The following BCAS3 variants were observed in gnomAD, a reference collection of about 807,000 sequenced individuals.
BCAS3 encodes BCAS4/BCAS3 fusion.
In BCAS3, 53 loss-of-function variants were observed where a neutral mutation model predicts 116.1. The observed-to-expected ratio is 0.46, with a 90% CI of 0.37 to 0.57. The LOEUF is 0.57. Among genes scored for constraint, BCAS3 ranks in the 20% least tolerant of loss-of-function variants. The probability of loss-of-function intolerance (pLI) is 0.00; values close to 1 mark genes in which losing one functional copy is unlikely to be tolerated. For missense variants in BCAS3, 917 were observed against 1,165.4 expected, an observed-to-expected ratio of 0.79 and a Z score of 3.10; for synonymous variants, 391 against 408.2, an observed-to-expected ratio of 0.96 and a Z score of 0.51.
At position 61,323,137 on chromosome 17, in the gene BCAS3, C is replaced by G. The variant is rs1054236635; in HGVS notation, c.2426-45190C>G. 1.3e-5 allele frequency among the ~76,000 whole-genome samples: 2 copies of G among 152,024 alleles called. No individual in the cohort carries two copies. Among genetic ancestry groups the G allele is most frequent in the African/African-American group, 4.8e-5 (2 of 41,388 alleles). On this transcript the variant is annotated intron_variant, in intron 22 of 23. Coordinates refer to ENST00000407086, the MANE Select transcript of BCAS3 (RefSeq NM_017679.5). The surrounding 1 kb of genome is among the most constrained non-coding windows in gnomAD (Gnocchi z 4.6). The stretch of plus-strand genomic sequence containing the variant: ...TGGATTTAGCATCACACGGGGAATT[C>G]GCTGTAACCCAGCCATCTTTTAGGC...
At chr17:60,868,779 T>C in intron 8 of BCAS3, 96 bp downstream of exon 8, 1 of 645,202 alleles carries the variant, frequency 1.5e-6, no homozygotes, top group Non-Finnish European at 2.5e-6. Context: ...CTTAGATTTA[T>C]TTTTAAAAAT....
intron 11 of BCAS3, among the ~76,000 whole-genome samples, chr17:60,905,948 G>C (rs901524332): frequency 5.9e-5 from 9 of 152,176 alleles, no homozygotes; most frequent in African/African-American, 1.9e-4. Context: ...GTCTCTACCT[G>C]GCTGGTGCCA....
intron 16 of BCAS3, among the ~76,000 whole-genome samples, chr17:61,018,461 C>A (rs997781292): frequency 6.6e-6 from 1 of 151,684 alleles, no homozygotes. Flanking sequence ...GCCACCACAC[C>A]CAGCTAATTT....
intron 7 of BCAS3, among the ~76,000 whole-genome samples, chr17:60,815,266 G>A (rs1202450147): frequency 1.3e-5 from 2 of 152,106 alleles, no homozygotes; most frequent in Non-Finnish European, 2.9e-5. Flanking sequence ...GACACAGGAA[G>A]GGGAACATCA....
chr17:60,743,255 A>AT (rs1159831718), intron 5 of BCAS3, among the ~76,000 whole-genome samples: 1 of 152,148 alleles, frequency 6.6e-6, no homozygotes, highest in African/African-American at 2.4e-5. Context: ...CCAAGGGTAC[A>AT]TATTGTGGGA....
intron 6 of BCAS3, among the ~76,000 whole-genome samples, chr17:60,797,778 G>A (rs1351303512): frequency 2.6e-5 from 4 of 152,084 alleles, no homozygotes; most frequent in East Asian, 1.9e-4. Context: ...GTGAGAACAC[G>A]TGGTGTTTTA....
intron 6 of BCAS3, among the ~76,000 whole-genome samples, chr17:60,784,558 CT>C (rs1353716822): frequency 6.6e-6 from 1 of 151,580 alleles, no homozygotes; most frequent in East Asian, 2.0e-4. Flanking sequence ...TCACCTCAGC[CT>C]CCCAAAGTGC....
In BCAS3 at chr17:61,156,832, C is replaced by T. The variant is rs746275561; in HGVS notation, c.2425+72268C>T. ...TGCCCTGAAGCTGGTACATACAGAC[C>T]ACCTCAACGATGGACTCCTTTATGA... On this transcript the variant is annotated intron_variant, in intron 22 of 23. Transcript: ENST00000407086. This position sits in a 1 kb window ranked among gnomAD's most constrained non-coding sequence, Gnocchi z 4.7. Among the ~76,000 whole-genome samples the T allele has an allele frequency of 3.3e-5, 5 of 152,010 alleles. No homozygotes were observed. Among genetic ancestry groups the T allele is most frequent in the Admixed American group, 2.6e-4 (4 of 15,260 alleles).
chr17:60,833,242 C>T (rs182546952), intron 7 of BCAS3, among the ~76,000 whole-genome samples: 1 of 152,318 alleles, frequency 6.6e-6, no homozygotes, highest in African/African-American at 2.4e-5. Flanking sequence ...GTGTCTCCAG[C>T]TCCAGCCCTT....
rs980447446 is a variant in BCAS3, at chr17:61,248,389, A to G, written c.2426-119938A>G. On this transcript the variant is annotated intron_variant, in intron 22 of 23. Transcript: ENST00000407086. The surrounding 1 kb of genome is among the most constrained non-coding windows in gnomAD (Gnocchi z 4.3). ...TTAAAAAATTCCAAAAAGAAAATCT[A>G]AAGGACCATTCCTATGATTATTGCA... is the stretch of plus-strand genomic sequence containing the variant. Among the ~76,000 whole-genome samples the G allele has an allele frequency of 3.3e-5, 5 of 152,220 alleles. No individual in the cohort carries two copies. The highest frequency in any genetic ancestry group is 1.2e-4 in the African/African-American group (5 of 41,450).
At chr17:60,783,855 C>G (rs2046041467) in intron 6 of BCAS3, among the ~76,000 whole-genome samples, 2 of 152,084 alleles carry the variant, frequency 1.3e-5, no homozygotes, top group African/African-American at 2.4e-5. Flanking sequence ...ATTTGAGACT[C>G]TTTTTGTTTG....
At chr17:61,061,252 T>C (rs2069998510) in intron 19 of BCAS3, among the ~76,000 whole-genome samples, 1 of 152,210 alleles carries the variant, frequency 6.6e-6, no homozygotes, top group Non-Finnish European at 1.5e-5. Context: ...TGTATGTAAT[T>C]CTTCCTGCTG....
At chr17:60,976,020 C>CTTTTTTTTTTGTTTTTTT (rs2062329086) in intron 14 of BCAS3, among the ~76,000 whole-genome samples, 20 of 98,284 alleles carry the variant, frequency 2.0e-4, no homozygotes, top group South Asian at 3.7e-4. Flanking sequence ...TAGATTTTTG[C>CTTTTTTTTTTGTTTTTTT]TTTTTTTTTT....
chr17:61,272,040 C>T (rs1195442610), intron 22 of BCAS3, among the ~76,000 whole-genome samples: 1 of 152,050 alleles, frequency 6.6e-6, no homozygotes, highest in East Asian at 1.9e-4. Flanking sequence ...GAACTCCTGG[C>T]CTCAAGCAGT....
chr17:60,866,912 A>C (rs77105608), intron 7 of BCAS3, among the ~76,000 whole-genome samples: 601 of 152,206 alleles, frequency 3.9e-3, no homozygotes, highest in African/African-American at 0.014. Flanking sequence ...TCTTGTTCTT[A>C]AAATATGTTC....
chr17:61,027,029 TG>T lies in BCAS3; in HGVS notation c.1638-7636del, dbSNP rs1208590323. ...ATCACAGATAGATGCACCAAGTTAC[TG>T]AATAATTTGTAGATGGAACATGAAT... On this transcript the variant is annotated intron_variant, in intron 16 of 23. Transcript: ENST00000407086. 3.2e-5 allele frequency: 27 copies of T among 833,368 alleles called. No homozygotes were observed. The African/African-American group carries it at 4.3e-4, about 13-fold the overall frequency. The allele number at this position is 833,368 out of a possible 1,614,324, so 51.6% of individuals were successfully genotyped here.
At chr17:61,254,800 A>AAAAAAAAGG (rs2048661106) in intron 22 of BCAS3, among the ~76,000 whole-genome samples, 3 of 151,462 alleles carry the variant, frequency 2.0e-5, no homozygotes, top group Non-Finnish European at 4.4e-5. Flanking sequence ...GGATTAGAAA[A>AAAAAAAAGG]TTTATACTGC....
At chr17:61,342,751 CTT>C (rs113701578) in intron 22 of BCAS3, among the ~76,000 whole-genome samples, 39 of 136,976 alleles carry the variant, frequency 2.8e-4, no homozygotes, top group East Asian at 4.2e-4. Flanking sequence ...ATTTTCTTTT[CTT>C]TTTTTTTTTT....
At chr17:60,758,581 C>G (rs2043213616) in intron 6 of BCAS3, among the ~76,000 whole-genome samples, 2 of 152,088 alleles carry the variant, frequency 1.3e-5, no homozygotes, top group Admixed American at 1.3e-4. Flanking sequence ...GGAGTTTTGT[C>G]ATGTTGGCCA....
Sources: allele counts gnomAD v4.1 joint callset (sites outside exome capture counted in the v4.1 genomes callset), GRCh38; gene constraint gnomAD v4.1.1; non-coding constraint Gnocchi (gnomAD v3.1); transcripts MANE v1.5; gene names NCBI Gene and HGNC (gene_info 2026-07-23, HGNC 2026-07-21).